Variants in TSHZ3 observed in about 807,000 individuals in gnomAD.
TSHZ3 encodes teashirt zinc finger homeobox 3, also known as teashirt homolog 3.
Under a neutral mutation model 64.5 loss-of-function variants are expected in TSHZ3, and 10 were observed. The observed-to-expected ratio is 0.16, with a 90% confidence interval of 0.10 to 0.26. The LOEUF (loss-of-function observed/expected upper bound fraction) is 0.26. Among genes scored for constraint, TSHZ3 ranks in the 10% least tolerant of loss-of-function variants. The pLI is 1.00. For missense variants in TSHZ3, 1,242 were observed against 1,421.7 expected, an observed-to-expected ratio of 0.87 and a Z score of 2.03; for synonymous variants, 608 against 593.1, an observed-to-expected ratio of 1.03 and a Z score of -0.36.
intron 4 of TSHZ3, among the ~76,000 whole-genome samples, chr19:31,219,435 G>A (rs1464126281): frequency 2.0e-5 from 3 of 151,986 alleles, no homozygotes; most frequent in African/African-American, 4.8e-5. Context: ...CAAACTTGAA[G>A]CAAACTTGTT....
At position 31,279,154 on chromosome 19, in the gene TSHZ3, C is replaced by A; in HGVS notation, c.639G>T (p.Lys213Asn). 1 of 1,613,030 alleles carries A rather than the reference C, an allele frequency of 6.2e-7. No individual in the cohort carries two copies. The highest frequency in any genetic ancestry group is 1.3e-5 in the African/African-American group (1 of 75,008). The change falls in exon 2 of 2, where the codon AAG (lysine) becomes AAT (asparagine). Residue 213 changes from lysine to asparagine, a missense_variant. By Grantham distance (94) the Lys-to-Asn change is moderately conservative. This residue lies in a region of TSHZ3 where 555 missense variants were observed against 704.0 expected (regional missense o/e 0.79). Transcript: ENST00000240587. The surrounding 1 kb of genome is among the most constrained non-coding windows in gnomAD (Gnocchi z 6.4). ...CAGCGCTGCAGTCCTTACAGCGGAA[C>A]TTGCTGGCCCCCGTGAAGATGGAGC... ...LYGSIFTGASKFRCKDCSAAY... is the reference protein window; with the variant it reads ...LYGSIFTGASNFRCKDCSAAY...
chr19:31,326,418 T>C (rs1916931891), intron 1 of TSHZ3, among the ~76,000 whole-genome samples: 1 of 152,272 alleles, frequency 6.6e-6, no homozygotes, highest in Non-Finnish European at 1.5e-5. Context: ...AGAAAGCTAC[T>C]GTCAAATCTT....
intron 1 of TSHZ3, among the ~76,000 whole-genome samples, chr19:31,300,164 C>T (rs913331807): frequency 1.3e-5 from 2 of 152,074 alleles, no homozygotes; most frequent in South Asian, 2.1e-4. Context: ...ACATTGTGAT[C>T]GACTTCATCC....
At chr19:31,281,314 C>T (rs950554930) in intron 1 of TSHZ3, among the ~76,000 whole-genome samples, 1 of 152,068 alleles carries the variant, frequency 6.6e-6, no homozygotes, top group Admixed American at 6.6e-5. Context: ...CCTTCCAGGA[C>T]AGGTGTGATT....
At chr19:31,180,252 A>G (rs1018094912) in intron 5 of TSHZ3, among the ~76,000 whole-genome samples, 3 of 152,180 alleles carry the variant, frequency 2.0e-5, no homozygotes, top group Non-Finnish European at 1.5e-5. Context: ...TGAATGAACG[A>G]ATGAATGAAT....
Position 31,344,119 on chromosome 19 carries a change from T to C in TSHZ3, c.40+5061A>G, listed in dbSNP as rs1917515850. Reference sequence around the variant, plus strand: ...TTGTTACTAAATACAATATATTGTATTCACCTTTCATTTGTAACTTCAGAC... The same window carrying C: ...TTGTTACTAAATACAATATATTGTACTCACCTTTCATTTGTAACTTCAGAC... On this transcript the variant is annotated intron_variant, in intron 1 of 1. Transcript: ENST00000240587. Among the ~76,000 whole-genome samples, 2 of 152,220 alleles carry C rather than the reference T, an allele frequency of 1.3e-5. 1 individual carries two copies. Among genetic ancestry groups the C allele is most frequent in the South Asian group, 4.1e-4 (2 of 4,832 alleles).
At chr19:31,290,137 T>A (rs1184177868) in intron 1 of TSHZ3, among the ~76,000 whole-genome samples, 1 of 152,148 alleles carries the variant, frequency 6.6e-6, no homozygotes, top group African/African-American at 2.4e-5. Flanking sequence ...TATCCCCAGA[T>A]GTCCTGAGGT....
chr19:31,237,409 T>A (rs1434039755), intron 3 of TSHZ3, among the ~76,000 whole-genome samples: 1 of 152,198 alleles, frequency 6.6e-6, no homozygotes, highest in African/African-American at 2.4e-5. Flanking sequence ...TATTTTAAAT[T>A]CTTCTAAATA....
intron 1 of TSHZ3, among the ~76,000 whole-genome samples, chr19:31,347,767 C>T (rs2021559615): frequency 6.6e-6 from 1 of 152,194 alleles, no homozygotes; most frequent in Admixed American, 6.5e-5. Flanking sequence ...TTTCTGAAGA[C>T]ACTGGCAGGC....
intron 1 of TSHZ3, among the ~76,000 whole-genome samples, chr19:31,296,605 G>A (rs1437685505): frequency 6.6e-6 from 1 of 152,140 alleles, no homozygotes; most frequent in Non-Finnish European, 1.5e-5. Context: ...CAAAGTGCTG[G>A]GATTACAGGC....
chr19:31,285,781 CAAAAAAAAA>C (rs3030263), intron 1 of TSHZ3, among the ~76,000 whole-genome samples: 24 of 44,986 alleles, frequency 5.3e-4, no homozygotes, highest in Admixed American at 1.6e-3. Context: ...GCCACTGTCT[CAAAAAAAAA>C]AAAAAAAAAA....
At chr19:31,220,031 C>T (rs1385883687) in intron 4 of TSHZ3, among the ~76,000 whole-genome samples, 2 of 152,106 alleles carry the variant, frequency 1.3e-5, no homozygotes, top group Non-Finnish European at 2.9e-5. Flanking sequence ...ATTTCTCCCA[C>T]TACCCATTTA....
chr19:31,159,049 G>C (rs1234312959), intron 5 of TSHZ3, among the ~76,000 whole-genome samples: 2 of 152,132 alleles, frequency 1.3e-5, no homozygotes, highest in Non-Finnish European at 2.9e-5. Flanking sequence ...ACCCATGCTG[G>C]TGTGCAGTGG....
intron 1 of TSHZ3, among the ~76,000 whole-genome samples, chr19:31,295,565 A>G (rs1313942018): frequency 6.6e-6 from 1 of 152,144 alleles, no homozygotes; most frequent in Non-Finnish European, 1.5e-5. Context: ...AAAATCAGGC[A>G]AAGCTCACCT....
intron 4 of TSHZ3, among the ~76,000 whole-genome samples, chr19:31,227,913 G>A (rs1975490482): frequency 6.6e-6 from 1 of 152,028 alleles, no homozygotes; most frequent in Admixed American, 6.5e-5. Flanking sequence ...AAATCTTATT[G>A]GTTTATTTTT....
At chr19:31,327,529 G>C (rs1916966301) in intron 1 of TSHZ3, among the ~76,000 whole-genome samples, 1 of 152,126 alleles carries the variant, frequency 6.6e-6, no homozygotes, top group South Asian at 2.1e-4. Flanking sequence ...TGCATATAAG[G>C]CTAGTTTTAA....
chr19:31,209,442 C>A (rs890298203), intron 4 of TSHZ3, among the ~76,000 whole-genome samples: 3 of 152,130 alleles, frequency 2.0e-5, no homozygotes, highest in Admixed American at 2.0e-4. Context: ...TCTGGCTATT[C>A]CACTGAGTGG....
chr19:31,274,085 G>T (rs1976184377), downstream of TSHZ3, among the ~76,000 whole-genome samples: 1 of 152,076 alleles, frequency 6.6e-6, no homozygotes. Flanking sequence ...AAAACCGTAG[G>T]CGTGTTGCCG....
intron 5 of TSHZ3, among the ~76,000 whole-genome samples, chr19:31,168,330 C>G (rs544620448): frequency 1.3e-5 from 2 of 152,206 alleles, no homozygotes; most frequent in South Asian, 4.2e-4. Flanking sequence ...TGGGAAATAT[C>G]CTCTTTTTTG....
Sources: allele counts gnomAD v4.1 joint callset (sites outside exome capture counted in the v4.1 genomes callset), GRCh38; gene constraint gnomAD v4.1.1; regional missense constraint gnomAD v4.1.1; non-coding constraint Gnocchi (gnomAD v3.1); transcripts MANE v1.5; gene names NCBI Gene and HGNC (gene_info 2026-07-23, HGNC 2026-07-21).